HMGCLL1: variants seen among roughly 807,000 people sequenced by gnomAD.
The protein encoded by HMGCLL1 is 3-hydroxymethyl-3-methylglutaryl-CoA lyase, cytoplasmic.
Under a neutral mutation model 39.1 loss-of-function variants are expected in HMGCLL1, and 36 were observed. The ratio of observed to expected loss-of-function variants is 0.92; its 90% confidence interval spans 0.71 to 1.22. The LOEUF (loss-of-function observed/expected upper bound fraction) is 1.22, where lower values mean the gene tolerates loss of function less well. HMGCLL1 is among the 50% of genes most tolerant of loss of function. The probability of loss-of-function intolerance (pLI) is 0.00; values close to 1 mark genes in which losing one functional copy is unlikely to be tolerated. For missense variants in HMGCLL1, 451 were observed against 416.5 expected (o/e 1.08, Z -0.72); for synonymous variants, 149 against 144.0 (o/e 1.03, Z -0.25).
the HMGCLL1 span, among the ~76,000 whole-genome samples, chr6:55,632,887 T>C: frequency 3.3e-5 from 5 of 152,104 alleles, no homozygotes; most frequent in African/African-American, 4.8e-5. Flanking sequence ...GTGAATTTTA[T>C]TGACTGGCTG....
At chr6:55,678,108 A>C in the HMGCLL1 span, among the ~76,000 whole-genome samples, 2 of 152,182 alleles carry the variant, frequency 1.3e-5, no homozygotes, top group African/African-American at 2.4e-5. Flanking sequence ...ACCATGTATG[A>C]AAAATTATTA....
the HMGCLL1 span, among the ~76,000 whole-genome samples, chr6:55,625,054 C>G: frequency 6.6e-6 from 1 of 152,092 alleles, no homozygotes; most frequent in African/African-American, 2.4e-5. Flanking sequence ...GATAGGGATG[C>G]TGTTTGGAGC....
At chr6:55,678,744 T>C in the HMGCLL1 span, among the ~76,000 whole-genome samples, 1 of 152,236 alleles carries the variant, frequency 6.6e-6, no homozygotes, top group African/African-American at 2.4e-5. Context: ...AGAAACAAGG[T>C]TGTAAGAGAA....
intron 7 of HMGCLL1, among the ~76,000 whole-genome samples, chr6:55,444,551 G>A (rs183146704): frequency 1.3e-5 from 2 of 152,084 alleles, no homozygotes; most frequent in East Asian, 3.9e-4. Flanking sequence ...AAACAGGTTA[G>A]AAGATGTTAT....
intron 7 of HMGCLL1, among the ~76,000 whole-genome samples, chr6:55,489,975 G>A (rs1037937499): frequency 5.9e-5 from 9 of 152,172 alleles, no homozygotes; most frequent in African/African-American, 9.6e-5. Flanking sequence ...TGAAGTACCC[G>A]TTAGGAGGAC....
At chr6:55,507,281 T>C (rs190955362) in intron 5 of HMGCLL1, among the ~76,000 whole-genome samples, 1 of 151,642 alleles carries the variant, frequency 6.6e-6, no homozygotes, top group East Asian at 1.9e-4. Context: ...ATACATAGGG[T>C]TTGTTATAAT....
intron 6 of HMGCLL1, among the ~76,000 whole-genome samples, chr6:55,496,646 C>T (rs757327290): frequency 1.1e-4 from 16 of 152,084 alleles, no homozygotes; most frequent in Non-Finnish European, 1.9e-4. Flanking sequence ...CCTTAAATAA[C>T]ACCAATGAAC....
chr6:55,678,735 G>C, the HMGCLL1 span, among the ~76,000 whole-genome samples: 1 of 152,154 alleles, frequency 6.6e-6, no homozygotes, highest in African/African-American at 2.4e-5. Flanking sequence ...ACCAAGGAAA[G>C]AAACAAGGTT....
chr6:55,627,408 T>G, the HMGCLL1 span, among the ~76,000 whole-genome samples: 1 of 152,018 alleles, frequency 6.6e-6, no homozygotes, highest in African/African-American at 2.4e-5. Context: ...TGTATTACAT[T>G]AGGCGTAATT....
At chr6:55,510,012 T>C (rs1767360600) in intron 5 of HMGCLL1, among the ~76,000 whole-genome samples, 1 of 151,972 alleles carries the variant, frequency 6.6e-6, no homozygotes, top group Non-Finnish European at 1.5e-5. Context: ...GTCTTTGTTT[T>C]TCTGTATCTA....
chr6:55,617,840 C>T, the HMGCLL1 span, among the ~76,000 whole-genome samples: 1 of 152,146 alleles, frequency 6.6e-6, no homozygotes, highest in African/African-American at 2.4e-5. Flanking sequence ...AGGTCCACAG[C>T]AGGATGGCTC....
At chr6:55,542,214 A>T in intron 1 of HMGCLL1, 74 bp from the exon 2 acceptor site, 2 of 926,522 alleles carry the variant, frequency 2.2e-6, no homozygotes, top group Non-Finnish European at 3.4e-6. Context: ...AAAGTTAAAC[A>T]ACTGCACTTT....
At chr6:55,630,218 T>C in the HMGCLL1 span, among the ~76,000 whole-genome samples, 1 of 152,158 alleles carries the variant, frequency 6.6e-6, no homozygotes, top group East Asian at 1.9e-4. Flanking sequence ...CAGTGTGACC[T>C]GGATATGAGA....
chr6:55,603,892 G>A, the HMGCLL1 span, among the ~76,000 whole-genome samples: 12 of 152,046 alleles, frequency 7.9e-5, no homozygotes, highest in Middle Eastern at 3.2e-3. Context: ...TGGTTTTCTC[G>A]CATATTGAAG....
the HMGCLL1 span, among the ~76,000 whole-genome samples, chr6:55,618,343 A>T: frequency 4.6e-5 from 7 of 152,178 alleles, no homozygotes; most frequent in East Asian, 1.3e-3. Context: ...AGTAAAAAAA[A>T]AAAGTGACCT....
chr6:55,655,322 A>T, the HMGCLL1 span, among the ~76,000 whole-genome samples: 2 of 151,850 alleles, frequency 1.3e-5, no homozygotes, highest in Non-Finnish European at 2.9e-5. Flanking sequence ...CGTATGTATT[A>T]TTTCCCCCAA....
At chr6:55,471,253 C>T (rs1348754809) in intron 7 of HMGCLL1, among the ~76,000 whole-genome samples, 2 of 151,812 alleles carry the variant, frequency 1.3e-5, no homozygotes, top group Non-Finnish European at 2.9e-5. Context: ...CTGCACATAG[C>T]TGTCAATATT....
intron 5 of HMGCLL1, among the ~76,000 whole-genome samples, chr6:55,507,860 A>G (rs1767249662): frequency 6.6e-6 from 1 of 151,844 alleles, no homozygotes; most frequent in Non-Finnish European, 1.5e-5. Context: ...ATCAATGTTA[A>G]ATTCAACTAC....
chr6:55,613,456 A>G, the HMGCLL1 span, among the ~76,000 whole-genome samples: 1 of 152,176 alleles, frequency 6.6e-6, no homozygotes, highest in Admixed American at 6.6e-5. Context: ...ATATACCCAA[A>G]GGAATATAAA....
Sources: allele counts gnomAD v4.1 joint callset (sites outside exome capture counted in the v4.1 genomes callset), GRCh38; gene constraint gnomAD v4.1.1; transcripts MANE v1.5; gene names NCBI Gene and HGNC (gene_info 2026-07-23, HGNC 2026-07-21).